Variants in SMG6 observed in about 807,000 individuals in gnomAD.
SMG6 encodes the protein telomerase-binding protein EST1A.
SMG6 carries 66 observed loss-of-function variants against 142.2 expected under a neutral mutation model. The observed-to-expected ratio is 0.46, with a 90% confidence interval of 0.38 to 0.57. The LOEUF is 0.57. Ranked by LOEUF, SMG6 falls within the 20% of genes least tolerant of loss-of-function variation. SMG6 has a pLI of 0.00. For missense variants in SMG6, 1,793 were observed against 1,832.0 expected (o/e 0.98, Z 0.39); for synonymous variants, 779 against 702.4 (o/e 1.11, Z -1.72).
chr17:2,122,961 G>A (rs905242258), intron 13 of SMG6, among the ~76,000 whole-genome samples: 18 of 152,364 alleles, frequency 1.2e-4, no homozygotes, highest in African/African-American at 4.1e-4. Context: ...CACATGAGGG[G>A]TGGCAGAAAG....
intron 10 of SMG6, among the ~76,000 whole-genome samples, chr17:2,198,607 A>T (rs901774830): frequency 1.4e-4 from 22 of 152,238 alleles, no homozygotes; most frequent in African/African-American, 5.3e-4. Flanking sequence ...TGAAGGGTGC[A>T]TAAGACCTCT....
chr17:2,269,457 T>C (rs1035052298), intron 8 of SMG6, among the ~76,000 whole-genome samples: 5 of 91,116 alleles, frequency 5.5e-5, no homozygotes, highest in Non-Finnish European at 1.3e-4. Flanking sequence ...AAACTATACA[T>C]TAAAAAAAAA....
chr17:2,149,682 C>A (rs1482037975), intron 13 of SMG6, among the ~76,000 whole-genome samples: 2 of 152,152 alleles, frequency 1.3e-5, no homozygotes, highest in African/African-American at 4.8e-5. Context: ...TCAGCTCTGT[C>A]TGTGTGAGAT....
intron 6 of SMG6, among the ~76,000 whole-genome samples, chr17:2,291,227 A>AG (rs1227747220): frequency 6.6e-6 from 1 of 152,006 alleles, no homozygotes; most frequent in Non-Finnish European, 1.5e-5. Flanking sequence ...GCTACTCGGG[A>AG]GGCTGAGGCA....
intron 16 of SMG6, chr17:2,065,918 G>GTTTT: frequency 1.8e-6 from 1 of 564,670 alleles, no homozygotes; most frequent in Non-Finnish European, 3.2e-6. Context: ...CCTCTTGGGA[G>GTTTT]GAACTTAAAG....
intron 8 of SMG6, among the ~76,000 whole-genome samples, chr17:2,272,438 A>G (rs1486292622): frequency 6.6e-6 from 1 of 151,892 alleles, no homozygotes; most frequent in Non-Finnish European, 1.5e-5. Flanking sequence ...AATACAATCA[A>G]CCTTCATTGT....
At chr17:2,108,721 A>C (rs1346663131) in intron 13 of SMG6, among the ~76,000 whole-genome samples, 1 of 152,140 alleles carries the variant, frequency 6.6e-6, no homozygotes, top group Non-Finnish European at 1.5e-5. Context: ...TGGGTGGATC[A>C]CCTGAGGGTT....
At chr17:2,205,077 T>G (rs1056876048) in intron 10 of SMG6, among the ~76,000 whole-genome samples, 2 of 151,940 alleles carry the variant, frequency 1.3e-5, no homozygotes, top group Non-Finnish European at 2.9e-5. Flanking sequence ...TAGTTTTTGG[T>G]TTTTTTTCTG....
intron 13 of SMG6, among the ~76,000 whole-genome samples, chr17:2,091,828 G>A (rs559088466): frequency 5.1e-5 from 7 of 138,518 alleles, no homozygotes; most frequent in South Asian, 2.5e-4. Context: ...CCGCCACCAC[G>A]CCCAGCTAAT....
At chr17:2,256,113 T>G (rs1207391855) in intron 8 of SMG6, 1 of 162,148 alleles carries the variant, frequency 6.2e-6, no homozygotes, top group African/African-American at 2.4e-5. Flanking sequence ...TCTGCTGACC[T>G]TCCCTCCACT....
At chr17:2,165,378 A>G (rs572038440) in intron 13 of SMG6, among the ~76,000 whole-genome samples, 14 of 152,168 alleles carry the variant, frequency 9.2e-5, no homozygotes, top group East Asian at 3.8e-4. Context: ...AAATTCATTT[A>G]TTGACATTGC....
chr17:2,096,033 A>C (rs1013219906), intron 13 of SMG6, among the ~76,000 whole-genome samples: 1 of 151,852 alleles, frequency 6.6e-6, no homozygotes, highest in African/African-American at 2.4e-5. Flanking sequence ...TCATTCCCTC[A>C]TCGTCTTTTA....
chr17:2,206,987 A>G (rs2072701949), intron 10 of SMG6, among the ~76,000 whole-genome samples: 1 of 151,618 alleles, frequency 6.6e-6, no homozygotes, highest in South Asian at 2.1e-4. Context: ...TAAAATAACA[A>G]TAGGTCAGGC....
chr17:2,106,800 T>C (rs1446961418), intron 13 of SMG6, among the ~76,000 whole-genome samples: 1 of 151,378 alleles, frequency 6.6e-6, no homozygotes, highest in East Asian at 1.9e-4. Flanking sequence ...TGAAAGAAAT[T>C]CTGGGATCTT....
intron 18 of SMG6, among the ~76,000 whole-genome samples, chr17:2,064,509 C>A (rs753606821): frequency 6.6e-6 from 1 of 152,178 alleles, no homozygotes; most frequent in Non-Finnish European, 1.5e-5. Context: ...CTCTAGCCAG[C>A]CTTCAAAGTG....
intron 12 of SMG6, among the ~76,000 whole-genome samples, chr17:2,179,884 G>A (rs1288305209): frequency 6.6e-6 from 1 of 152,184 alleles, no homozygotes; most frequent in Non-Finnish European, 1.5e-5. Flanking sequence ...AAGCCTCCAA[G>A]ACCAGGACCT....
chr17:2,112,793 C>T (rs868531504), intron 13 of SMG6, among the ~76,000 whole-genome samples: 10 of 149,820 alleles, frequency 6.7e-5, no homozygotes, highest in Middle Eastern at 6.8e-3. Context: ...ACTCTCACTC[C>T]GCCACCCAGG....
At position 2,188,506 on chromosome 17, in the gene SMG6, G is replaced by A. The variant is rs1394377660; in HGVS notation, c.2879C>T (p.Ser960Leu). The change falls in exon 11 of 19, where the codon TCG becomes TTG. Residue 960 changes from serine to leucine, a missense_variant. Ser to Leu is a moderately radical substitution (Grantham distance 145, BLOSUM62 -2). Transcript: ENST00000263073. Reference sequence around the variant, plus strand: ...CTGGATCACAGAGCGGCACTCCTCCGAGAAGCAGTCTGCGGACAGGCAAAT... The same window carrying A: ...CTGGATCACAGAGCGGCACTCCTCCAAGAAGCAGTCTGCGGACAGGCAAAT... Reference protein sequence around the residue: ...VHNSQLKDCFSEECRSVIQEQ... With the variant: ...VHNSQLKDCFLEECRSVIQEQ... The A allele has an allele frequency of 3.7e-6, 6 of 1,613,700 alleles. No individual in the cohort carries two copies. The highest frequency in any genetic ancestry group is 4.5e-5 in the East Asian group (2 of 44,880).
intron 13 of SMG6, among the ~76,000 whole-genome samples, chr17:2,153,089 T>C (rs184111576): frequency 4.2e-4 from 64 of 152,360 alleles, no homozygotes; most frequent in Middle Eastern, 3.4e-3. Flanking sequence ...GAGCTCTATA[T>C]CAAGCTTATC....
Sources: gnomAD v4.1 joint callset for allele counts (sites outside exome capture counted in the v4.1 genomes callset) on GRCh38, gnomAD v4.1.1 for gene constraint, MANE v1.5 for transcripts, NCBI Gene and HGNC (gene_info 2026-07-23, HGNC 2026-07-21) for gene names.